Variants in NDUFB5 observed in about 807,000 individuals in gnomAD.
The protein encoded by NDUFB5 is NADH dehydrogenase [ubiquinone] 1 beta subcomplex subunit 5, mitochondrial.
A neutral mutation model predicts 19.4 loss-of-function variants in NDUFB5; 19 were observed. That is an observed-to-expected ratio of 0.98 (90% CI 0.68 to 1.43). NDUFB5 has a LOEUF of 1.43. Ranked by LOEUF, NDUFB5 falls within the 40% of genes most tolerant of loss-of-function variation. The pLI is 0.00. For missense variants in NDUFB5, 233 were observed against 236.5 expected, an observed-to-expected ratio of 0.99 and a Z score of 0.10; for synonymous variants, 80 against 82.6, an observed-to-expected ratio of 0.97 and a Z score of 0.17.
rs1719617307 is a variant in NDUFB5 at position 179,624,465 on chromosome 3, A to C, written c.*425A>C. ...CCAACTCTAAAATGTTAACTCCTTA[A>C]TAAACAGATTCTCAGTAAACAAATT... On this transcript the variant is annotated 3_prime_UTR_variant, in exon 6 of 6. Transcript: ENST00000259037. 6.5e-6 allele frequency: 1 copy of C among 153,746 alleles called. No individual in the cohort carries two copies. The highest frequency in any genetic ancestry group is 2.0e-4 in the South Asian group (1 of 4,904). The allele number at this position is 153,746 out of a possible 1,614,324, so 9.5% of individuals were successfully genotyped here. A position where few individuals can be genotyped will look rare whatever the true frequency, so the allele number is the denominator to read the frequency against.
chr3:179,609,173 G>A (rs1000746439), intron 1 of NDUFB5, among the ~76,000 whole-genome samples: 1 of 152,190 alleles, frequency 6.6e-6, no homozygotes, highest in African/African-American at 2.4e-5. Flanking sequence ...TGTGAACATG[G>A]ATATACAAAT....
intron 1 of NDUFB5, among the ~76,000 whole-genome samples, chr3:179,605,447 G>A (rs1029251984): frequency 1.3e-5 from 2 of 151,996 alleles, no homozygotes; most frequent in African/African-American, 2.4e-5. Flanking sequence ...GAGGAAGAGA[G>A]GTTTTTGTTT....
Position 179,615,057 on chromosome 3 carries a change from T to C in NDUFB5, c.211T>C (p.Leu71=), listed in dbSNP as rs564457330. 44 of 1,601,818 alleles carry C rather than the reference T, an allele frequency of 2.7e-5. No homozygotes were observed. In the East Asian group the frequency reaches 6.3e-4, roughly 23 times the overall value. The part of the protein sequence containing the change: ...RFYDRRFLKL[L]RFYIALTGIP... ...CTATGACAGGCGTTTTTTGAAGTTA[T>C]TGGTAAGTTTAAATTTTTTGTTGAA... The change falls in exon 2 of 6, where the codon TTG becomes CTG. Residue 71 remains leucine, a splice_region_variant and synonymous_variant. Transcript: ENST00000259037.
At chr3:179,618,621 T>C in intron 5 of NDUFB5, 100 bp downstream of exon 5, 1 of 770,258 alleles carries the variant, frequency 1.3e-6, no homozygotes, top group Non-Finnish European at 2.2e-6. Flanking sequence ...CACTATAGGA[T>C]ACTTTATGTA....
At chr3:179,605,378 T>A (rs1039424107) in intron 1 of NDUFB5, among the ~76,000 whole-genome samples, 4 of 152,188 alleles carry the variant, frequency 2.6e-5, no homozygotes, top group African/African-American at 9.7e-5. Context: ...CAGGGCCAAC[T>A]TATTCTTTAG....
intron 1 of NDUFB5, chr3:179,607,838 C>A: frequency 1.4e-6 from 1 of 701,220 alleles, no homozygotes; most frequent in Non-Finnish European, 2.6e-6. Flanking sequence ...TAATATTTGT[C>A]TGTCACTTAG....
chr3:179,607,312 A>C (rs1423643152), intron 1 of NDUFB5, among the ~76,000 whole-genome samples: 1 of 152,240 alleles, frequency 6.6e-6, no homozygotes, highest in Non-Finnish European at 1.5e-5. Flanking sequence ...ACAAGAATGT[A>C]AGCTCTAATG....
chr3:179,615,881 G>C, intron 2 of NDUFB5, 102 bp from the exon 3 acceptor site: 1 of 993,150 alleles, frequency 1.0e-6, no homozygotes, highest in Non-Finnish European at 1.5e-6. Flanking sequence ...AATTTGGCAA[G>C]TTTATTTTAT....
intron 1 of NDUFB5, 126 bp downstream of exon 1, chr3:179,605,065 A>C: frequency 7.5e-7 from 1 of 1,333,230 alleles, no homozygotes; most frequent in Non-Finnish European, 9.8e-7. Context: ...GGGGCTTGAC[A>C]GGAGAGACGG....
intron 1 of NDUFB5, 102 bp from the exon 2 acceptor site, chr3:179,614,869 A>C: frequency 1.2e-6 from 1 of 814,926 alleles, no homozygotes; most frequent in Non-Finnish European, 1.9e-6. Flanking sequence ...CTTATGAGCT[A>C]CAAAAGGATC....
intron 3 of NDUFB5, 125 bp downstream of exon 3, chr3:179,616,174 C>A: frequency 1.4e-6 from 1 of 708,150 alleles, no homozygotes; most frequent in Admixed American, 2.9e-5. Flanking sequence ...TAAGCATAAG[C>A]ATGGCAGTTT....
rs893278949 is a variant in NDUFB5, at chr3:179,607,665, A to G, written c.124+2726A>G. On this transcript the variant is annotated intron_variant, in intron 1 of 5. Coordinates refer to ENST00000259037, the MANE Select transcript of NDUFB5 (RefSeq NM_002492.4). The stretch of plus-strand genomic sequence containing the variant: ...AATACATTCCTAATGCTATGCAACC[A>G]TCACCATCATCCAACTCCAGAACTT... 1.6e-5 allele frequency: 11 copies of G among 679,798 alleles called. No individual in the cohort carries two copies. In the African/African-American group the frequency reaches 1.8e-4, roughly 11 times the overall value. 42.1% of individuals were successfully genotyped at this position (679,798 alleles called of 1,614,324 possible). A position where few individuals can be genotyped will look rare whatever the true frequency, so the allele number is the denominator to read the frequency against.
intron 1 of NDUFB5, among the ~76,000 whole-genome samples, chr3:179,606,804 C>G (rs1719114696): frequency 6.6e-6 from 1 of 152,136 alleles, no homozygotes; most frequent in Admixed American, 6.5e-5. Flanking sequence ...TCTTTTTACC[C>G]CTATTCTCCC....
intron 5 of NDUFB5, among the ~76,000 whole-genome samples, chr3:179,623,083 G>A (rs1221939184): frequency 6.6e-6 from 1 of 152,094 alleles, no homozygotes; most frequent in African/African-American, 2.4e-5. Flanking sequence ...GATGTTGACC[G>A]GGCCTGGTAT....
At position 179,624,845 on chromosome 3, in the gene NDUFB5, A is replaced by C. The variant is rs1323209577; in HGVS notation, c.*805A>C. On this transcript the variant is annotated 3_prime_UTR_variant, in exon 6 of 6. Coordinates refer to ENST00000259037, the MANE Select transcript of NDUFB5 (RefSeq NM_002492.4). ...GAAATCTTGCACTGTCACCCAGGCT[A>C]GAGTGCAGTGCCGTGATCTCGGCTG... The C allele has an allele frequency of 2.2e-5, 3 of 136,150 alleles. No homozygotes were observed. Among genetic ancestry groups the C allele is most frequent in the Non-Finnish European group, 4.5e-5 (3 of 66,374 alleles). 8.4% of individuals were successfully genotyped at this position (136,150 alleles called of 1,614,324 possible).
At chr3:179,619,564 T>C (rs1576884157) in intron 5 of NDUFB5, among the ~76,000 whole-genome samples, 1 of 152,224 alleles carries the variant, frequency 6.6e-6, no homozygotes, top group Non-Finnish European at 1.5e-5. Context: ...TATTCCATGG[T>C]GTGTATGTGC....
At chr3:179,616,379 A>G (rs1194258570) in intron 3 of NDUFB5, among the ~76,000 whole-genome samples, 1 of 152,076 alleles carries the variant, frequency 6.6e-6, no homozygotes, top group African/African-American at 2.4e-5. Flanking sequence ...CGTCTCTACT[A>G]AAAATACAAA....
rs962244207 is a variant in NDUFB5, at chr3:179,624,129, CAA to C, written c.*92_*93del. 1.2e-4 allele frequency: 151 copies of C among 1,212,408 alleles called. No individual in the cohort carries two copies. The African/African-American group carries it at 2.0e-3, about 16-fold the overall frequency. The allele number at this position is 1,212,408 out of a possible 1,614,324, so 75.1% of individuals were successfully genotyped here. A position where few individuals can be genotyped will look rare whatever the true frequency, so the allele number is the denominator to read the frequency against. ...CTGTATTTTTGCTCTCCGTGAAAAA[CAA>C]AAGAGCCTCTGACATTACTGTCTCT... On this transcript the variant is annotated 3_prime_UTR_variant, in exon 6 of 6. Coordinates refer to ENST00000259037, the MANE Select transcript of NDUFB5 (RefSeq NM_002492.4).
chr3:179,605,776 G>C (rs1197710158), intron 1 of NDUFB5, among the ~76,000 whole-genome samples: 5 of 150,198 alleles, frequency 3.3e-5, no homozygotes. Flanking sequence ...TAGGTCTCAG[G>C]AAAGTCATAA....
Sources: allele counts gnomAD v4.1 joint callset (sites outside exome capture counted in the v4.1 genomes callset), GRCh38; gene constraint gnomAD v4.1.1; transcripts MANE v1.5; gene names NCBI Gene and HGNC (gene_info 2026-07-23, HGNC 2026-07-21).